Variants in WWOX observed in about 807,000 individuals in gnomAD.
WWOX encodes WW domain containing oxidoreductase.
In WWOX, 69 loss-of-function variants were observed where a neutral mutation model predicts 46.2. The ratio of observed to expected loss-of-function variants is 1.49; its 90% CI spans 1.23 to 1.82. WWOX has a LOEUF of 1.82. WWOX is among the 40% of genes most tolerant of loss of function. WWOX has a pLI of 0.00. For synonymous variants in WWOX, 359 were observed against 202.6 expected, an observed-to-expected ratio of 1.77 and a Z score of -6.56; for missense variants, 919 against 542.6, an observed-to-expected ratio of 1.69 and a Z score of -6.89.
intron 8 of WWOX, among the ~76,000 whole-genome samples, chr16:78,510,492 C>T (rs1020150406): frequency 4.6e-5 from 7 of 152,230 alleles, no homozygotes; most frequent in African/African-American, 1.7e-4. Context: ...GGATTACAGT[C>T]GTGAGCCACC....
At chr16:78,136,431 T>A (rs1198087085) in intron 4 of WWOX, among the ~76,000 whole-genome samples, 1 of 152,212 alleles carries the variant, frequency 6.6e-6, no homozygotes, top group Non-Finnish European at 1.5e-5. Flanking sequence ...TTGGTGTTCA[T>A]TGAGTCATGT....
intron 1 of WWOX, among the ~76,000 whole-genome samples, chr16:78,101,542 A>G (rs2031791417): frequency 6.6e-6 from 1 of 151,420 alleles, no homozygotes. Context: ...GCTGGTCTCC[A>G]ACTCCTGGCC....
rs142857200 is a variant in WWOX at position 78,650,591 on chromosome 16, C to G, written c.1056+217839C>G. ...TCATGTATAGGTTATTCACTCTGGT[C>G]TTTGAGATTATGTAATTAGCATATG... On this transcript the variant is annotated intron_variant, in intron 8 of 8. Transcript: ENST00000566780. Among the ~76,000 whole-genome samples the G allele has an allele frequency of 3.1e-3, 465 of 152,232 alleles. 4 individuals are homozygous for G. The highest frequency in any genetic ancestry group is 6.8e-3 in the Middle Eastern group (2 of 294).
chr16:78,590,266 TG>T (rs2045321155), intron 8 of WWOX, among the ~76,000 whole-genome samples: 2 of 152,296 alleles, frequency 1.3e-5, no homozygotes, highest in South Asian at 4.2e-4. Context: ...GCTTGGTGTC[TG>T]GTGAGGGCTG....
chr16:79,151,837 G>T (rs903735283), intron 8 of WWOX, among the ~76,000 whole-genome samples: 3 of 152,200 alleles, frequency 2.0e-5, no homozygotes, highest in Admixed American at 1.3e-4. Context: ...TTGAAGTTTT[G>T]ACGCTAATGT....
intron 8 of WWOX, chr16:78,757,074 C>A (rs1483820408): frequency 2.9e-6 from 2 of 700,606 alleles, no homozygotes; most frequent in East Asian, 2.7e-5. Flanking sequence ...GAGGTGATTG[C>A]AGCCTTTGCT....
chr16:78,444,029 G>A (rs1266395578), intron 8 of WWOX, among the ~76,000 whole-genome samples: 1 of 152,280 alleles, frequency 6.6e-6, no homozygotes, highest in African/African-American at 2.4e-5. Context: ...ATTTTTCCCT[G>A]TGAGGTGTAA....
chr16:78,723,587 C>CTT (rs2048747653), intron 8 of WWOX, among the ~76,000 whole-genome samples: 4 of 26,066 alleles, frequency 1.5e-4, no homozygotes, highest in African/African-American at 9.6e-4. Flanking sequence ...CTTTTCTTTT[C>CTT]TTTTCTTTTC....
At chr16:78,476,351 C>G (rs963826666) in intron 8 of WWOX, among the ~76,000 whole-genome samples, 1 of 150,826 alleles carries the variant, frequency 6.6e-6, no homozygotes, top group East Asian at 1.9e-4. Flanking sequence ...CAAACTGTTG[C>G]AAGGACAAAA....
chr16:79,051,555 T>C lies in WWOX; in HGVS notation c.1057-160053T>C, dbSNP rs1051006615. Among the ~76,000 whole-genome samples, 14 of 141,580 alleles carry C rather than the reference T, an allele frequency of 9.9e-5. 1 individual carries two copies. Among genetic ancestry groups the C allele is most frequent in the Admixed American group, 3.7e-4 (5 of 13,394 alleles). The allele number at this position is 141,580 out of a possible 152,430, so 92.9% of individuals were successfully genotyped here. A position where few individuals can be genotyped will look rare whatever the true frequency, so the allele number is the denominator to read the frequency against. On this transcript the variant is annotated intron_variant, in intron 8 of 8. Coordinates refer to ENST00000566780, the MANE Select transcript of WWOX (RefSeq NM_016373.4). ...TGCCTGCAAGGGAGGCTGGGAAATA[T>C]AGTTTGCTGTGTGCTGGGTGGGTGG...
At chr16:78,994,051 C>G (rs1012748126) in intron 8 of WWOX, among the ~76,000 whole-genome samples, 1 of 152,196 alleles carries the variant, frequency 6.6e-6, no homozygotes, top group African/African-American at 2.4e-5. Context: ...TTTGACTCTG[C>G]TTAGCCACTG....
intron 8 of WWOX, among the ~76,000 whole-genome samples, chr16:78,715,481 C>T (rs953685455): frequency 4.0e-5 from 6 of 149,890 alleles, no homozygotes; most frequent in South Asian, 2.1e-4. Context: ...CCCTACCCAC[C>T]GTTTTTTGTT....
At chr16:78,613,229 C>T (rs983827215) in intron 8 of WWOX, among the ~76,000 whole-genome samples, 8 of 152,168 alleles carry the variant, frequency 5.3e-5, no homozygotes, top group African/African-American at 1.9e-4. Flanking sequence ...GTCCCATTTC[C>T]TGACATTCCC....
chr16:78,418,971 A>G (rs2082862896), intron 6 of WWOX, among the ~76,000 whole-genome samples: 1 of 152,170 alleles, frequency 6.6e-6, no homozygotes, highest in South Asian at 2.1e-4. Flanking sequence ...AAAGCAAAAG[A>G]ATGGAAAAAA....
chr16:78,926,022 C>T (rs917988820), intron 8 of WWOX, among the ~76,000 whole-genome samples: 1 of 152,168 alleles, frequency 6.6e-6, no homozygotes, highest in African/African-American at 2.4e-5. Context: ...ATTGTAGAGT[C>T]TATGAACAAT....
intron 8 of WWOX, among the ~76,000 whole-genome samples, chr16:78,468,575 A>C (rs998885176): frequency 3.3e-5 from 5 of 152,116 alleles, no homozygotes; most frequent in African/African-American, 7.2e-5. Context: ...TGATAGTTAC[A>C]GGGAGTGCTA....
intron 8 of WWOX, among the ~76,000 whole-genome samples, chr16:78,433,724 T>C (rs1368350601): frequency 6.6e-6 from 1 of 151,440 alleles, no homozygotes; most frequent in Non-Finnish European, 1.5e-5. Flanking sequence ...GTCTGCTGCC[T>C]TCTCTTACAC....
intron 6 of WWOX, among the ~76,000 whole-genome samples, chr16:78,393,851 TA>T (rs541969854): frequency 0.047 from 7,186 of 151,906 alleles, 573 homozygotes; most frequent in African/African-American, 0.16. Context: ...TTTTTTTAAT[TA>T]AAAAAAAGGT....
chr16:78,943,320 A>C (rs2045888196), intron 8 of WWOX, among the ~76,000 whole-genome samples: 1 of 146,796 alleles, frequency 6.8e-6, no homozygotes, highest in African/African-American at 2.7e-5. Context: ...GTAAAAAGCA[A>C]CCCGAGATCC....
Sources: gnomAD v4.1 joint callset for allele counts (sites outside exome capture counted in the v4.1 genomes callset) on GRCh38, gnomAD v4.1.1 for gene constraint, MANE v1.5 for transcripts, NCBI Gene and HGNC (gene_info 2026-07-23, HGNC 2026-07-21) for gene names.